Variants in ANKFN1 observed in about 807,000 individuals in gnomAD.
ANKFN1 encodes ankyrin repeat and fibronectin type-III domain-containing protein 1.
Under a neutral mutation model 108.7 loss-of-function variants are expected in ANKFN1, and 74 were observed. The ratio of observed to expected loss-of-function variants is 0.68; its 90% CI spans 0.56 to 0.83. The LOEUF (loss-of-function observed/expected upper bound fraction) is 0.83, where lower values mean the gene tolerates loss of function less well. Among genes scored for constraint, ANKFN1 ranks in the 40% least tolerant of loss-of-function variants. The probability of loss-of-function intolerance (pLI) is 0.00; values close to 1 mark genes in which losing one functional copy is unlikely to be tolerated. For synonymous variants in ANKFN1, 547 were observed against 516.2 expected (o/e 1.06, Z -0.81); for missense variants, 1,505 against 1,382.3 (o/e 1.09, Z -1.41).
chr17:56,114,202 C>A (rs1906136188), intron 4 of ANKFN1, among the ~76,000 whole-genome samples: 1 of 152,200 alleles, frequency 6.6e-6, no homozygotes, highest in Admixed American at 6.5e-5. Flanking sequence ...TGCAAAAGCA[C>A]CTTTTTATTT....
chr17:56,436,541 C>T lies in ANKFN1; in HGVS notation c.911-3786C>T, dbSNP rs576269226. 3.7e-4 allele frequency among the ~76,000 whole-genome samples: 57 copies of T among 152,162 alleles called. No homozygotes were observed. The South Asian group carries it at 9.7e-3, about 26-fold the overall frequency. On this transcript the variant is annotated intron_variant, in intron 8 of 20. Transcript: ENST00000682825. ...TTAACCTTCTTAGAATTCCCAGTTGCGGCCGGGCACGGTGGCTCATGCCTA... is the reference window on the plus strand; with the variant it reads ...TTAACCTTCTTAGAATTCCCAGTTGTGGCCGGGCACGGTGGCTCATGCCTA...
intron 3 of ANKFN1, among the ~76,000 whole-genome samples, chr17:56,319,603 C>T (rs2045306784): frequency 1.3e-5 from 2 of 152,164 alleles, no homozygotes; most frequent in Admixed American, 6.5e-5. Context: ...AATTAGCCAC[C>T]AACCTATTAC....
chr17:56,098,728 T>C (rs1246309250), intron 4 of ANKFN1, among the ~76,000 whole-genome samples: 1 of 152,208 alleles, frequency 6.6e-6, no homozygotes, highest in Non-Finnish European at 1.5e-5. Flanking sequence ...TTTGAAATTA[T>C]AATTTATATT....
intron 1 of ANKFN1, among the ~76,000 whole-genome samples, chr17:56,187,382 T>G (rs1245357612): frequency 3.3e-5 from 5 of 152,164 alleles, no homozygotes; most frequent in African/African-American, 1.2e-4. Flanking sequence ...AAAACCACTA[T>G]GAGATACCAT....
chr17:56,510,763 A>C lies in ANKFN1; in HGVS notation c.2935A>C (p.Thr979Pro). The C allele has an allele frequency of 1.3e-6, 2 of 1,536,100 alleles. No homozygotes were observed. Among genetic ancestry groups the C allele is most frequent in the Non-Finnish European group, 8.7e-7 (1 of 1,146,904 alleles). The change falls in exon 21 of 21, where the codon ACA (threonine) becomes CCA (proline). Residue 979 changes from threonine (T) to proline (P), a missense_variant. By Grantham distance (38) the Thr-to-Pro change is conservative. Transcript: ENST00000682825. Reference sequence around the variant, plus strand: ...CCATAGCCTGACCCTCACGGGGTTCACACCCAAGAACCACGCCAAGACTGT... The same window carrying C: ...CCATAGCCTGACCCTCACGGGGTTCCCACCCAAGAACCACGCCAAGACTGT... ...FLHSLTLTGF[T>P]PKNHAKTVSG...
At chr17:56,454,618 C>T in intron 11 of ANKFN1, among the ~76,000 whole-genome samples, 1 of 152,150 alleles carries the variant, frequency 6.6e-6, no homozygotes, top group East Asian at 1.9e-4. Context: ...CCTGGCACCA[C>T]CTTTCCATTG....
chr17:56,382,547 A>G (rs1201986657), intron 8 of ANKFN1, among the ~76,000 whole-genome samples: 2 of 152,236 alleles, frequency 1.3e-5, no homozygotes, highest in Non-Finnish European at 2.9e-5. Flanking sequence ...ATGGATAAAG[A>G]GTCAAGACCC....
chr17:56,186,174 T>C (rs1420926135), intron 1 of ANKFN1, among the ~76,000 whole-genome samples: 2 of 152,220 alleles, frequency 1.3e-5, no homozygotes, highest in African/African-American at 4.8e-5. Flanking sequence ...AATAAATGCT[T>C]TGTGCATTGT....
intron 1 of ANKFN1, among the ~76,000 whole-genome samples, chr17:56,187,746 G>A (rs1598202103): frequency 6.6e-6 from 1 of 152,192 alleles, no homozygotes. Context: ...GGAATACTAT[G>A]CAGCCATAAA....
At chr17:56,453,173 AC>A (rs1256524361) in intron 11 of ANKFN1, among the ~76,000 whole-genome samples, 1 of 152,076 alleles carries the variant, frequency 6.6e-6, no homozygotes, top group African/African-American at 2.4e-5. Flanking sequence ...TTTAGTCATT[AC>A]CTCACTAAAG....
Position 56,258,844 on chromosome 17 carries a change from G to T in ANKFN1, c.53+30887G>T, listed in dbSNP as rs181368611. Reference sequence around the variant, plus strand: ...GAGAATGGCGTGAACCCGGGAGGCGGAGCTTGCAGTGAGCCAAGATCGGGC... The same window carrying T: ...GAGAATGGCGTGAACCCGGGAGGCGTAGCTTGCAGTGAGCCAAGATCGGGC... On this transcript the variant is annotated intron_variant, in intron 3 of 20. Transcript: ENST00000682825. 5.9e-3 allele frequency among the ~76,000 whole-genome samples: 895 copies of T among 152,264 alleles called. 15 individuals carry two copies. Among genetic ancestry groups the T allele is most frequent in the Admixed American group, 0.033 (503 of 15,298 alleles).
intron 4 of ANKFN1, among the ~76,000 whole-genome samples, chr17:56,075,865 G>A (rs371139290): frequency 2.0e-5 from 3 of 152,086 alleles, no homozygotes; most frequent in Admixed American, 1.3e-4. Flanking sequence ...AAGCACTGAC[G>A]GCAGACATAG....
In ANKFN1 at chr17:56,423,257, A is replaced by G. The variant is rs187613622; in HGVS notation, c.911-17070A>G. ...TGGGCTGGAGCCACGCACCACACAG[A>G]CACGTTGGGTCAACAGGAATTGAAG... On this transcript the variant is annotated intron_variant, in intron 8 of 20. Coordinates refer to ENST00000682825, the MANE Select transcript of ANKFN1 (RefSeq NM_001370326.1). 1.4e-4 allele frequency among the ~76,000 whole-genome samples: 22 copies of G among 152,314 alleles called. No homozygotes were observed. In the East Asian group the frequency reaches 3.7e-3, roughly 25 times the overall value.
chr17:56,402,989 A>G (rs1163199364), intron 8 of ANKFN1, among the ~76,000 whole-genome samples: 1 of 152,072 alleles, frequency 6.6e-6, no homozygotes, highest in Non-Finnish European at 1.5e-5. Context: ...TGTATTTGCC[A>G]TGTATTTGCA....
chr17:56,102,138 C>G (rs558792078), intron 4 of ANKFN1, among the ~76,000 whole-genome samples: 102 of 152,150 alleles, frequency 6.7e-4, no homozygotes, highest in African/African-American at 2.3e-3. Context: ...TATGTGTGTA[C>G]AAAAAAGAAC....
At chr17:56,099,682 G>A (rs1598094958) in intron 4 of ANKFN1, among the ~76,000 whole-genome samples, 2 of 152,332 alleles carry the variant, frequency 1.3e-5, no homozygotes, top group South Asian at 4.1e-4. Context: ...CAGAATCTAA[G>A]GAGAAGGAGG....
chr17:56,436,837 CAAAAA>C (rs965424286), intron 8 of ANKFN1, among the ~76,000 whole-genome samples: 2 of 79,162 alleles, frequency 2.5e-5, no homozygotes, highest in Non-Finnish European at 2.7e-5. Context: ...AACTCCATCT[CAAAAA>C]AAAAAAAAAA....
chr17:56,357,029 C>A (rs2046394266), intron 6 of ANKFN1, among the ~76,000 whole-genome samples: 1 of 152,108 alleles, frequency 6.6e-6, no homozygotes. Context: ...AAACCAAAAG[C>A]AAATTTGTTC....
intron 4 of ANKFN1, among the ~76,000 whole-genome samples, chr17:56,092,344 G>A (rs1598093076): frequency 7.0e-6 from 1 of 141,852 alleles, no homozygotes; most frequent in East Asian, 2.1e-4. Context: ...GCGCAATCTC[G>A]GCTCACTACA....
Sources: gnomAD v4.1 joint callset for allele counts (sites outside exome capture counted in the v4.1 genomes callset) on GRCh38, gnomAD v4.1.1 for gene constraint, MANE v1.5 for transcripts, NCBI Gene and HGNC (gene_info 2026-07-23, HGNC 2026-07-21) for gene names.